ING5: variants seen among roughly 807,000 people sequenced by gnomAD.
The protein encoded by ING5 is inhibitor of growth protein 5.
ING5 carries 17 observed loss-of-function variants against 37.4 expected under a neutral mutation model. That is an observed-to-expected ratio of 0.45 (90% CI 0.31 to 0.68). The LOEUF is 0.68. Among genes scored for constraint, ING5 ranks in the 30% least tolerant of loss-of-function variants. The probability of loss-of-function intolerance (pLI) is 0.05; values close to 1 mark genes in which losing one functional copy is unlikely to be tolerated. For missense variants in ING5, 233 were observed against 311.9 expected (o/e 0.75, Z 1.91); for synonymous variants, 123 against 116.6 (o/e 1.06, Z -0.36).
Position 241,702,506 on chromosome 2 carries a change from G to A in ING5, c.37+404G>A, listed in dbSNP as rs565029176. 2.0e-5 allele frequency among the ~76,000 whole-genome samples: 3 copies of A among 152,120 alleles called. No individual in the cohort carries two copies. In the East Asian group the frequency reaches 5.8e-4, roughly 29 times the overall value. ...CCGTCTGCAGGAGGAGCTGGCGCCCGCTGCGGGGCTCCGGGCCTTGGGGGC... is the reference window on the plus strand; with the variant it reads ...CCGTCTGCAGGAGGAGCTGGCGCCCACTGCGGGGCTCCGGGCCTTGGGGGC... On this transcript the variant is annotated intron_variant, in intron 1 of 7. Transcript: ENST00000313552.
upstream of ING5, among the ~76,000 whole-genome samples, chr2:241,697,158 A>G (rs7584225): frequency 0.22 from 32,600 of 150,114 alleles, 4,017 homozygotes; most frequent in East Asian, 0.35. Flanking sequence ...ATGGGTGGCC[A>G]GGGGCTGTGG....
intron 1 of ING5, among the ~76,000 whole-genome samples, chr2:241,703,621 A>G (rs939363427): frequency 6.6e-6 from 1 of 151,114 alleles, no homozygotes; most frequent in African/African-American, 2.4e-5. Flanking sequence ...TCTTTTTTTG[A>G]TTTTTTTTGA....
intron 2 of ING5, among the ~76,000 whole-genome samples, chr2:241,707,097 T>G (rs1416655264): frequency 6.6e-6 from 1 of 151,092 alleles, no homozygotes; most frequent in Non-Finnish European, 1.5e-5. Context: ...GTAGCTGGGA[T>G]TACAGGCATG....
chr2:241,718,621 T>A (rs144948225), intron 5 of ING5, among the ~76,000 whole-genome samples: 1 of 151,592 alleles, frequency 6.6e-6, no homozygotes, highest in Non-Finnish European at 1.5e-5. Context: ...CACCGTGTTA[T>A]GCAGGCTGGT....
intron 2 of ING5, among the ~76,000 whole-genome samples, chr2:241,693,848 G>A (rs1334537208): frequency 1.3e-5 from 2 of 150,598 alleles, no homozygotes; most frequent in Non-Finnish European, 3.0e-5. Flanking sequence ...GTAGAGACGG[G>A]GTGTTTCACC....
intron 2 of ING5, among the ~76,000 whole-genome samples, chr2:241,706,709 T>C (rs2069925186): frequency 1.3e-5 from 2 of 151,858 alleles, no homozygotes; most frequent in South Asian, 4.1e-4. Context: ...TCTAGCCTCA[T>C]ACTCAGCTGA....
At chr2:241,722,462 C>T (rs1282049285) in intron 5 of ING5, 18 of 985,300 alleles carry the variant, frequency 1.8e-5, no homozygotes, top group Non-Finnish European at 2.2e-5. Context: ...TGCCCCCATG[C>T]CCCTGCCTGG....
At chr2:241,705,130 A>G (rs1226574947) in intron 2 of ING5, among the ~76,000 whole-genome samples, 5 of 152,048 alleles carry the variant, frequency 3.3e-5, no homozygotes, top group Admixed American at 6.6e-5. Flanking sequence ...TCCGGAGTGC[A>G]GTGACGTGAT....
Position 241,726,466 on chromosome 2 carries a change from A to C in ING5, c.*1435A>C, listed in dbSNP as rs1471574059. 1 of 152,228 alleles carries C rather than the reference A, an allele frequency of 6.6e-6. No individual in the cohort carries two copies. Among genetic ancestry groups the C allele is most frequent in the Non-Finnish European group, 1.5e-5 (1 of 68,060 alleles). The allele number at this position is 152,228 out of a possible 1,614,324, so 9.4% of individuals were successfully genotyped here. A position where few individuals can be genotyped will look rare whatever the true frequency, so the allele number is the denominator to read the frequency against. Reference sequence around the variant, plus strand: ...GAGAAGCTGGTAGTCAGTGAGTGAGAACAAGAGAACAAGAACACCCTGAAC... The same window carrying C: ...GAGAAGCTGGTAGTCAGTGAGTGAGCACAAGAGAACAAGAACACCCTGAAC... On this transcript the variant is annotated 3_prime_UTR_variant, in exon 8 of 8. Transcript: ENST00000313552.
upstream of ING5, among the ~76,000 whole-genome samples, chr2:241,700,425 G>C (rs544653630): frequency 6.6e-6 from 1 of 151,698 alleles, no homozygotes; most frequent in East Asian, 1.9e-4. Flanking sequence ...CCAAAGTGCT[G>C]GAATTACAGG....
In ING5 at chr2:241,715,766, C is replaced by T. The variant is rs547309246; in HGVS notation, c.482+3695C>T. The stretch of plus-strand genomic sequence containing the variant: ...CCTCCCAACATACTGGGATTACAGG[C>T]GTGAGCCACCGCACCTGACCTAGAA... On this transcript the variant is annotated intron_variant, in intron 5 of 7. Transcript: ENST00000313552. 4.9e-4 allele frequency among the ~76,000 whole-genome samples: 74 copies of T among 151,100 alleles called. 3 individuals carry two copies. In the South Asian group the frequency reaches 0.015, roughly 30 times the overall value.
intron 2 of ING5, among the ~76,000 whole-genome samples, chr2:241,706,472 A>C (rs1330315528): frequency 6.6e-6 from 1 of 152,006 alleles, no homozygotes; most frequent in Admixed American, 6.6e-5. Context: ...TCTACTAAAA[A>C]TACAAAATTA....
chr2:241,721,429 AG>A (rs947261388), intron 5 of ING5: 2 of 985,454 alleles, frequency 2.0e-6, no homozygotes, highest in Admixed American at 1.2e-4. Flanking sequence ...GGACAGACTT[AG>A]GTGGGCGCCC....
intron 5 of ING5, chr2:241,720,616 CT>C: frequency 1.0e-6 from 1 of 985,920 alleles, no homozygotes; most frequent in Non-Finnish European, 1.2e-6. Context: ...AGCCAGCCCC[CT>C]GCTAGGAGCC....
At chr2:241,707,457 A>AT (rs1373586606) in intron 2 of ING5, among the ~76,000 whole-genome samples, 1 of 151,070 alleles carries the variant, frequency 6.6e-6, no homozygotes, top group Non-Finnish European at 1.5e-5. Flanking sequence ...CACCCTGCTA[A>AT]TTTTTTGTAT....
intron 5 of ING5, among the ~76,000 whole-genome samples, chr2:241,714,986 T>G (rs4675888): frequency 0.017 from 2,658 of 152,272 alleles, 234 homozygotes; most frequent in Admixed American, 0.15. Context: ...GTTTCTACTC[T>G]CTATTTCCTG....
Position 241,725,265 on chromosome 2 carries a change from C to T in ING5, c.*234C>T, listed in dbSNP as rs936091627. ...AGTGTGGCTTTTACAGGACTCCCCC[C>T]GAGCATCAGCAGGGACCCCGGCGGA... is the stretch of plus-strand genomic sequence containing the variant. On this transcript the variant is annotated 3_prime_UTR_variant, in exon 8 of 8. Coordinates refer to ENST00000313552, the MANE Select transcript of ING5 (RefSeq NM_032329.6). 6.9e-5 allele frequency: 38 copies of T among 549,988 alleles called. No individual in the cohort carries two copies. The highest frequency in any genetic ancestry group is 4.5e-4 in the Middle Eastern group (1 of 2,208). The allele number at this position is 549,988 out of a possible 1,614,324, so 34.1% of individuals were successfully genotyped here.
At chr2:241,713,758 G>A (rs530730483) in intron 5 of ING5, among the ~76,000 whole-genome samples, 38 of 152,054 alleles carry the variant, frequency 2.5e-4, no homozygotes, top group African/African-American at 8.2e-4. Flanking sequence ...GGAGGCCAAG[G>A]CAGGTTAATC....
chr2:241,714,309 T>C (rs528250254), intron 5 of ING5, among the ~76,000 whole-genome samples: 29 of 152,338 alleles, frequency 1.9e-4, no homozygotes, highest in African/African-American at 6.0e-4. Flanking sequence ...AAATTAACTT[T>C]ATTAAGGAAT....
Sources: allele counts gnomAD v4.1 joint callset (sites outside exome capture counted in the v4.1 genomes callset), GRCh38; gene constraint gnomAD v4.1.1; transcripts MANE v1.5; gene names NCBI Gene and HGNC (gene_info 2026-07-23, HGNC 2026-07-21).